The following HS6ST1 variants were observed in gnomAD, a reference collection of about 807,000 sequenced individuals.
The protein encoded by HS6ST1 is heparan sulfate 6-O-sulfotransferase 1, also known as heparan-sulfate 6-O-sulfotransferase 1.
HS6ST1 carries 3 observed loss-of-function variants against 25.2 expected under a neutral mutation model. That is an observed-to-expected ratio of 0.12 (90% CI 0.05 to 0.31). HS6ST1 has a LOEUF of 0.31. HS6ST1 is among the 10% of genes least tolerant of loss of function. HS6ST1 has a pLI of 1.00. For synonymous variants in HS6ST1, 204 were observed against 275.1 expected, an observed-to-expected ratio of 0.74 and a Z score of 2.56; for missense variants, 310 against 609.6, an observed-to-expected ratio of 0.51 and a Z score of 5.18.
chr2:128,317,830 G>C (rs1241406136), intron 1 of HS6ST1, among the ~76,000 whole-genome samples: 1 of 152,224 alleles, frequency 6.6e-6, no homozygotes, highest in Non-Finnish European at 1.5e-5. Context: ...GTGAGAGCGA[G>C]GTCAGAAAGC....
intron 1 of HS6ST1, among the ~76,000 whole-genome samples, chr2:128,286,811 G>C (rs1693871314): frequency 6.6e-6 from 1 of 152,238 alleles, no homozygotes; most frequent in African/African-American, 2.4e-5. Flanking sequence ...TCAGAAAACA[G>C]AGCAGGCTGC....
chr2:128,282,454 C>T (rs967460872), intron 1 of HS6ST1, among the ~76,000 whole-genome samples: 6 of 152,188 alleles, frequency 3.9e-5, no homozygotes, highest in African/African-American at 4.8e-5. Context: ...CAGCCCCCAC[C>T]GGCCCGCGGC....
chr2:128,302,257 AC>A (rs1306341309), intron 1 of HS6ST1, among the ~76,000 whole-genome samples: 1 of 152,052 alleles, frequency 6.6e-6, no homozygotes, highest in Non-Finnish European at 1.5e-5. Flanking sequence ...TAAACTGGGG[AC>A]CTTGAGGTCA....
At chr2:128,312,302 T>G (rs1694303686) in intron 1 of HS6ST1, among the ~76,000 whole-genome samples, 1 of 152,202 alleles carries the variant, frequency 6.6e-6, no homozygotes, top group African/African-American at 2.4e-5. Flanking sequence ...GACTGACACA[T>G]TCTCCACCTT....
chr2:128,281,551 G>A (rs765102187), intron 1 of HS6ST1, among the ~76,000 whole-genome samples: 7 of 152,220 alleles, frequency 4.6e-5, no homozygotes, highest in Non-Finnish European at 8.8e-5. Context: ...CAGTCACCTT[G>A]GACCATGAGG....
intron 1 of HS6ST1, among the ~76,000 whole-genome samples, chr2:128,304,327 G>A (rs1365218323): frequency 1.3e-5 from 2 of 152,170 alleles, no homozygotes; most frequent in Non-Finnish European, 2.9e-5. Context: ...AAGTGTGTCC[G>A]AGCCTTTAGA....
chr2:128,312,127 G>A (rs1381755027), intron 1 of HS6ST1, among the ~76,000 whole-genome samples: 1 of 152,254 alleles, frequency 6.6e-6, no homozygotes, highest in Non-Finnish European at 1.5e-5. Context: ...AAGCCCTAGT[G>A]TTCTACATCT....
chr2:128,313,356 G>A (rs2104938378), intron 1 of HS6ST1, among the ~76,000 whole-genome samples: 1 of 152,284 alleles, frequency 6.6e-6, no homozygotes, highest in East Asian at 1.9e-4. Context: ...ACCAGCGGTG[G>A]CACACTCAGA....
intron 1 of HS6ST1, among the ~76,000 whole-genome samples, chr2:128,279,525 G>T (rs1693747521): frequency 6.6e-6 from 1 of 152,002 alleles, no homozygotes; most frequent in African/African-American, 2.4e-5. Context: ...CTCTGAGAGG[G>T]GCTCTATTCC....
chr2:128,310,861 T>G (rs1015606674), intron 1 of HS6ST1, among the ~76,000 whole-genome samples: 1 of 152,056 alleles, frequency 6.6e-6, no homozygotes. Context: ...AGTCCCACAG[T>G]CAGAAAGCAA....
chr2:128,314,119 T>C (rs1397825812), intron 1 of HS6ST1, among the ~76,000 whole-genome samples: 1 of 152,066 alleles, frequency 6.6e-6, no homozygotes, highest in Non-Finnish European at 1.5e-5. Flanking sequence ...GGGTAACATC[T>C]GTCCCCATCA....
chr2:128,304,883 C>T (rs914743508), intron 1 of HS6ST1, among the ~76,000 whole-genome samples: 2 of 152,184 alleles, frequency 1.3e-5, no homozygotes, highest in Non-Finnish European at 2.9e-5. Context: ...CTGGGGAGGG[C>T]GGGTGACTGA....
chr2:128,279,113 G>GC (rs1693740535), intron 1 of HS6ST1, among the ~76,000 whole-genome samples: 1 of 139,560 alleles, frequency 7.2e-6, no homozygotes, highest in Admixed American at 7.5e-5. Context: ...TGCTTGCACT[G>GC]CATTTGTCCA....
intron 1 of HS6ST1, among the ~76,000 whole-genome samples, chr2:128,272,293 C>G (rs1420176970): frequency 6.6e-6 from 1 of 152,228 alleles, no homozygotes; most frequent in Non-Finnish European, 1.5e-5. Flanking sequence ...ATGGGCCATG[C>G]CCTTCACTGG....
chr2:128,306,301 C>T (rs844484), intron 1 of HS6ST1, among the ~76,000 whole-genome samples: 103,953 of 152,100 alleles, frequency 0.68, 36,857 homozygotes, highest in African/African-American at 0.87. Context: ...AGGACGTGGC[C>T]GCGCCGCTGC....
intron 1 of HS6ST1, among the ~76,000 whole-genome samples, chr2:128,294,755 C>T (rs1405717892): frequency 1.3e-5 from 2 of 151,862 alleles, no homozygotes; most frequent in Non-Finnish European, 2.9e-5. Flanking sequence ...CACCCTCCCA[C>T]ACCCAGGCTC....
chr2:128,289,043 G>T (rs1357372870), intron 1 of HS6ST1, among the ~76,000 whole-genome samples: 1 of 152,122 alleles, frequency 6.6e-6, no homozygotes, highest in Non-Finnish European at 1.5e-5. Context: ...AGGCGGCCGC[G>T]GAGAGATGGC....
intron 1 of HS6ST1, among the ~76,000 whole-genome samples, chr2:128,309,394 C>T (rs1210078672): frequency 6.6e-6 from 1 of 152,270 alleles, no homozygotes; most frequent in African/African-American, 2.4e-5. Flanking sequence ...CCACCTGATA[C>T]AGCTTCTGAG....
At chr2:128,270,485 G>A (rs1341999781) in intron 1 of HS6ST1, among the ~76,000 whole-genome samples, 3 of 152,222 alleles carry the variant, frequency 2.0e-5, no homozygotes, top group African/African-American at 7.2e-5. Context: ...GGGCACTCGG[G>A]GCCTCAAGGG....
Sources: allele counts gnomAD v4.1 joint callset (sites outside exome capture counted in the v4.1 genomes callset), GRCh38; gene constraint gnomAD v4.1.1; transcripts MANE v1.5; gene names NCBI Gene and HGNC (gene_info 2026-07-23, HGNC 2026-07-21).